The following NTN1 variants were observed in gnomAD, a reference collection of about 807,000 sequenced individuals.
NTN1 encodes the protein netrin-1.
A neutral mutation model predicts 54.2 loss-of-function variants in NTN1; 11 were observed. The observed-to-expected ratio is 0.20, with a 90% confidence interval of 0.13 to 0.34. NTN1 has a LOEUF of 0.34. NTN1 is among the 10% of genes least tolerant of loss of function. The pLI is 1.00. For synonymous variants in NTN1, 371 were observed against 382.0 expected (o/e 0.97, Z 0.33); for missense variants, 740 against 893.1 (o/e 0.83, Z 2.18).
intron 2 of NTN1, among the ~76,000 whole-genome samples, chr17:9,036,068 C>A (rs59020675): frequency 3.3e-5 from 5 of 151,832 alleles, no homozygotes; most frequent in Non-Finnish European, 7.4e-5. Context: ...ACTATGTTAC[C>A]CAGGCTGGTC....
intron 2 of NTN1, among the ~76,000 whole-genome samples, chr17:9,123,755 C>T (rs1444651854): frequency 2.0e-5 from 3 of 152,158 alleles, no homozygotes; most frequent in South Asian, 4.1e-4. Flanking sequence ...TGGGGGTTCT[C>T]ATTGTGGACT....
rs1221512607 is a variant in NTN1, at chr17:9,240,160, T to C, written c.*192T>C. On this transcript the variant is annotated 3_prime_UTR_variant, in exon 7 of 7. Transcript: ENST00000173229. ...CCCCCTACCCCCACCCTGCGCGCTC[T>C]GGGCGGGAGCCGCGTGCACGCGGGG... 6 of 216,292 alleles carry C rather than the reference T, an allele frequency of 2.8e-5. No individual in the cohort carries two copies. Among genetic ancestry groups the C allele is most frequent in the Non-Finnish European group, 4.8e-5 (6 of 125,310 alleles). 13.4% of individuals were successfully genotyped at this position (216,292 alleles called of 1,614,324 possible).
intron 6 of NTN1, among the ~76,000 whole-genome samples, chr17:9,238,123 CAG>C (rs1906054659): frequency 6.6e-6 from 1 of 152,264 alleles, no homozygotes; most frequent in East Asian, 1.9e-4. Context: ...AGTGCAGGAG[CAG>C]AGTGGCCCCC....
At chr17:9,177,862 A>C (rs972295426) in intron 3 of NTN1, 1 of 152,162 alleles carries the variant, frequency 6.6e-6, no homozygotes, top group Non-Finnish European at 1.5e-5. Context: ...AATGAACTTG[A>C]ATTTAGGGTA....
chr17:9,208,617 A>C (rs571623991), intron 5 of NTN1, among the ~76,000 whole-genome samples: 103 of 152,358 alleles, frequency 6.8e-4, no homozygotes, highest in Non-Finnish European at 1.3e-3. Flanking sequence ...GATTCCAAGC[A>C]CAAGTGCCAA....
At chr17:9,013,074 C>T in the NTN1 span, among the ~76,000 whole-genome samples, 1 of 151,712 alleles carries the variant, frequency 6.6e-6, no homozygotes, top group African/African-American at 2.4e-5. Flanking sequence ...GTGGGTGGAA[C>T]TTGCTGGCAT....
Position 9,235,255 on chromosome 17 carries a change from G to A in NTN1, c.1487-4385G>A, listed in dbSNP as rs115189652. ...GCTGGGATTACAGGTGTAAGTCACC[G>A]TGCCCAGCCAGCAGTCCCTAATTTA... On this transcript the variant is annotated intron_variant, in intron 6 of 6. Transcript: ENST00000173229. 5.4e-3 allele frequency among the ~76,000 whole-genome samples: 819 copies of A among 151,970 alleles called. 9 individuals are homozygous for A. The highest frequency in any genetic ancestry group is 0.017 in the African/African-American group (712 of 41,458).
In NTN1 at chr17:9,121,466, A is replaced by AC. The variant is rs1436139009; in HGVS notation, c.1019-41342dup. Among the ~76,000 whole-genome samples, 11 of 150,126 alleles carry AC rather than the reference A, an allele frequency of 7.3e-5. No individual in the cohort carries two copies. The South Asian group carries it at 1.5e-3, about 20-fold the overall frequency. ...GCTTCCCCGGTGATTTTTCCCACTCACCCCCGGTGCTCCTTTTCTCTCTGT... is the reference window on the plus strand; with the variant it reads ...GCTTCCCCGGTGATTTTTCCCACTCACCCCCCGGTGCTCCTTTTCTCTCTGT... On this transcript the variant is annotated intron_variant, in intron 2 of 6. Coordinates refer to ENST00000173229, the MANE Select transcript of NTN1 (RefSeq NM_004822.3).
At chr17:9,217,467 G>A (rs1905240078) in intron 5 of NTN1, among the ~76,000 whole-genome samples, 1 of 152,206 alleles carries the variant, frequency 6.6e-6, no homozygotes, top group South Asian at 2.1e-4. Flanking sequence ...TTTGAAGAAG[G>A]AGTCAAAGCT....
At chr17:9,208,685 T>G (rs1016101242) in intron 5 of NTN1, among the ~76,000 whole-genome samples, 3 of 152,172 alleles carry the variant, frequency 2.0e-5, no homozygotes, top group African/African-American at 2.4e-5. Flanking sequence ...TAGGTCCTGT[T>G]TTTTCCAGAT....
At chr17:9,238,633 G>A (rs1455316506) in intron 6 of NTN1, among the ~76,000 whole-genome samples, 2 of 152,190 alleles carry the variant, frequency 1.3e-5, no homozygotes, top group African/African-American at 4.8e-5. Flanking sequence ...CACGTATACA[G>A]GATTCTTAGG....
intron 3 of NTN1, among the ~76,000 whole-genome samples, chr17:9,178,750 T>A (rs2092408900): frequency 6.6e-6 from 1 of 152,196 alleles, no homozygotes. Context: ...GGGCAGGACA[T>A]TTGCCTTCTT....
the NTN1 span, among the ~76,000 whole-genome samples, chr17:9,006,198 C>A: frequency 4.0e-5 from 6 of 151,644 alleles, no homozygotes; most frequent in Non-Finnish European, 7.4e-5. Context: ...GTGGGGGGGA[C>A]AAGTCCCTAT....
intron 2 of NTN1, among the ~76,000 whole-genome samples, chr17:9,043,561 T>C (rs2091929979): frequency 6.6e-6 from 1 of 150,406 alleles, no homozygotes; most frequent in African/African-American, 2.5e-5. Flanking sequence ...CTTCTAATTG[T>C]CTCTCTAATC....
In NTN1 at chr17:9,039,492, AT is replaced by A. The variant is rs996593591; in HGVS notation, c.1018+16110del. The stretch of plus-strand genomic sequence containing the variant: ...TGTTTCTCTTTGATTCTTCCAGATG[AT>A]TTTTTTTTACAGATTTATTGAGATA... On this transcript the variant is annotated intron_variant, in intron 2 of 6. Coordinates refer to ENST00000173229, the MANE Select transcript of NTN1 (RefSeq NM_004822.3). 5.7e-4 allele frequency among the ~76,000 whole-genome samples: 87 copies of A among 151,650 alleles called. 1 individual carries two copies. Among genetic ancestry groups the A allele is most frequent in the African/African-American group, 1.3e-3 (52 of 41,384 alleles).
At chr17:9,026,363 T>C (rs1304497912) in intron 2 of NTN1, among the ~76,000 whole-genome samples, 3 of 142,924 alleles carry the variant, frequency 2.1e-5, no homozygotes, top group Middle Eastern at 3.6e-3. Flanking sequence ...AGCCCAGTTA[T>C]ACTTTAAATG....
chr17:9,108,501 C>A (rs1485927938), intron 2 of NTN1, among the ~76,000 whole-genome samples: 1 of 152,216 alleles, frequency 6.6e-6, no homozygotes, highest in Non-Finnish European at 1.5e-5. Context: ...CACAGACACC[C>A]CATGGTACAG....
intron 5 of NTN1, among the ~76,000 whole-genome samples, chr17:9,205,452 A>T (rs896264061): frequency 6.6e-6 from 1 of 152,222 alleles, no homozygotes; most frequent in Non-Finnish European, 1.5e-5. Flanking sequence ...ACATAGTGAG[A>T]CCTCATCTCT....
intron 2 of NTN1, among the ~76,000 whole-genome samples, chr17:9,035,137 G>A (rs532108313): frequency 7.2e-5 from 11 of 152,130 alleles, no homozygotes; most frequent in East Asian, 1.9e-4. Context: ...TAGTAGAGAC[G>A]GGGTTTCACT....
Sources: gnomAD v4.1 joint callset for allele counts (sites outside exome capture counted in the v4.1 genomes callset) on GRCh38, gnomAD v4.1.1 for gene constraint, MANE v1.5 for transcripts, NCBI Gene and HGNC (gene_info 2026-07-23, HGNC 2026-07-21) for gene names.